The following MGAT5B variants were observed in gnomAD, a reference collection of about 807,000 sequenced individuals.
MGAT5B encodes alpha-1,6-mannosylglycoprotein 6-beta-N-acetylglucosaminyltransferase B.
Under a neutral mutation model 95.1 loss-of-function variants are expected in MGAT5B, and 54 were observed. The ratio of observed to expected loss-of-function variants is 0.57; its 90% CI spans 0.46 to 0.71. The LOEUF (loss-of-function observed/expected upper bound fraction) is 0.71, where lower values mean the gene tolerates loss of function less well. Among genes scored for constraint, MGAT5B ranks in the 30% least tolerant of loss-of-function variants. The pLI, the probability that MGAT5B is intolerant of heterozygous loss-of-function variation, is 0.00. For synonymous variants in MGAT5B, 464 were observed against 451.0 expected (o/e 1.03, Z -0.36); for missense variants, 935 against 1,088.6 (o/e 0.86, Z 1.99).
At chr17:76,878,967 C>T (rs1967302272) in intron 2 of MGAT5B, among the ~76,000 whole-genome samples, 1 of 151,364 alleles carries the variant, frequency 6.6e-6, no homozygotes. Context: ...GTCTGGTCCG[C>T]AGCAGAGCGG....
intron 10 of MGAT5B, 111 bp from the exon 11 acceptor site, chr17:76,932,534 C>G: frequency 2.0e-6 from 3 of 1,514,006 alleles, no homozygotes; most frequent in Non-Finnish European, 2.7e-6. Flanking sequence ...TGCCCCGCCC[C>G]CTTTCCCACC....
Position 76,948,789 on chromosome 17 carries a change from G to A in MGAT5B, c.2330G>A (p.Cys777Tyr). The A allele has an allele frequency of 1.2e-6, 2 of 1,609,286 alleles. No homozygotes were observed. The highest frequency in any genetic ancestry group is 1.7e-6 in the Non-Finnish European group (2 of 1,178,436). Residue 777 changes from cysteine (C) to tyrosine (Y), a missense_variant, in exon 18 of 18, where the codon TGC becomes TAC. This residue lies in a region of MGAT5B where 440 missense variants were observed against 523.6 expected (regional missense o/e 0.84). Transcript: ENST00000569840. ...ACCAAGTACCGCCGGCTCTGCCCCT[G>A]CCGCGACTTCCGCAAGGGCCAGGTG... ...SNTKYRRLCP[C>Y]RDFRKGQVAL...
intron 13 of MGAT5B, among the ~76,000 whole-genome samples, chr17:76,939,726 A>G (rs544248815): frequency 3.3e-5 from 5 of 152,248 alleles, no homozygotes; most frequent in Non-Finnish European, 5.9e-5. Flanking sequence ...CTTTATGCCC[A>G]TAAGTACCCA....
At chr17:76,933,479 C>T (rs1439694396) in intron 12 of MGAT5B, among the ~76,000 whole-genome samples, 182 bp downstream of exon 12, 1 of 152,206 alleles carries the variant, frequency 6.6e-6, no homozygotes, top group Non-Finnish European at 1.5e-5. Context: ...TAGGAGCCGT[C>T]TTTCCTGGTT....
At chr17:76,934,043 G>A (rs1349069171) in intron 12 of MGAT5B, among the ~76,000 whole-genome samples, 3 of 152,194 alleles carry the variant, frequency 2.0e-5, no homozygotes, top group Non-Finnish European at 4.4e-5. Context: ...GGGATGCTGG[G>A]TGGCATTATT....
intron 3 of MGAT5B, among the ~76,000 whole-genome samples, chr17:76,886,431 G>A (rs1312316580): frequency 6.6e-6 from 1 of 152,230 alleles, no homozygotes; most frequent in African/African-American, 2.4e-5. Flanking sequence ...TGTGCTTGGC[G>A]CTCAGAAGAA....
At chr17:76,932,824 C>G in intron 11 of MGAT5B, 49 bp downstream of exon 11, 3 of 1,600,948 alleles carry the variant, frequency 1.9e-6, no homozygotes, top group Non-Finnish European at 2.6e-6. Flanking sequence ...TCGGCACAGG[C>G]CCCCGCCTGG....
chr17:76,874,197 A>G (rs1967101837), intron 2 of MGAT5B, among the ~76,000 whole-genome samples: 1 of 152,112 alleles, frequency 6.6e-6, no homozygotes, highest in South Asian at 2.1e-4. Context: ...GGGGATGGTA[A>G]TACCCACTTC....
rs375943790 is a variant in MGAT5B at position 76,917,588 on chromosome 17, G to A, written c.1026-7378G>A. ...TCGGCATCTCTAGCGTGGAGCCAGCGGCCCTCAATATCCGAATCCAGGATG... is the reference window on the plus strand; with the variant it reads ...TCGGCATCTCTAGCGTGGAGCCAGCAGCCCTCAATATCCGAATCCAGGATG... On this transcript the variant is annotated intron_variant, in intron 8 of 17. Coordinates refer to ENST00000569840, the MANE Select transcript of MGAT5B (RefSeq NM_001199172.2). This position sits in a 1 kb window ranked among gnomAD's most constrained non-coding sequence, Gnocchi z 6.1. Among the ~76,000 whole-genome samples, 3 of 152,250 alleles carry A rather than the reference G, an allele frequency of 2.0e-5. No individual in the cohort carries two copies. Among genetic ancestry groups the A allele is most frequent in the Non-Finnish European group, 2.9e-5 (2 of 68,022 alleles).
intron 8 of MGAT5B, among the ~76,000 whole-genome samples, chr17:76,907,075 G>A (rs1968558749): frequency 6.7e-6 from 1 of 150,198 alleles, no homozygotes; most frequent in Admixed American, 6.6e-5. Context: ...TTTTTTAATG[G>A]AGTTTCTCTC....
In MGAT5B at chr17:76,916,190, C is replaced by A. The variant is rs1370185648; in HGVS notation, c.1026-8776C>A. On this transcript the variant is annotated intron_variant, in intron 8 of 17. Coordinates refer to ENST00000569840, the MANE Select transcript of MGAT5B (RefSeq NM_001199172.2). This position sits in a 1 kb window ranked among gnomAD's most constrained non-coding sequence, Gnocchi z 5.3. ...CTCCACATAGCTGCACTGCCCTGGC[C>A]CCTGCCCTTCATTCTTCCTCGGGAT... Among the ~76,000 whole-genome samples the A allele has an allele frequency of 6.6e-6, 1 of 150,850 alleles. No homozygotes were observed. The highest frequency in any genetic ancestry group is 1.9e-4 in the East Asian group (1 of 5,188).
intron 3 of MGAT5B, among the ~76,000 whole-genome samples, chr17:76,900,827 TG>T (rs1968276999): frequency 1.3e-5 from 2 of 152,234 alleles, no homozygotes; most frequent in Admixed American, 1.3e-4. Context: ...AAGTTTGCCT[TG>T]GGCACTGAAC....
At chr17:76,891,659 C>T (rs561578651) in intron 3 of MGAT5B, among the ~76,000 whole-genome samples, 1 of 152,214 alleles carries the variant, frequency 6.6e-6, no homozygotes, top group Non-Finnish European at 1.5e-5. Context: ...GGATTACAGG[C>T]GTGAGCCACT....
chr17:76,901,201 G>A (rs1968303175), intron 3 of MGAT5B, among the ~76,000 whole-genome samples: 1 of 152,120 alleles, frequency 6.6e-6, no homozygotes, highest in South Asian at 2.1e-4. Flanking sequence ...CTTCTCTAGT[G>A]GACAGCTCAC....
intron 3 of MGAT5B, among the ~76,000 whole-genome samples, chr17:76,901,724 C>G (rs149599583): frequency 2.8e-4 from 42 of 152,302 alleles, no homozygotes; most frequent in African/African-American, 9.1e-4. Context: ...CTGGCAAGTT[C>G]CCAGGCTTCT....
chr17:76,912,804 C>T lies in MGAT5B; in HGVS notation c.1025+6617C>T, dbSNP rs1006835716. On this transcript the variant is annotated intron_variant, in intron 8 of 17. Transcript: ENST00000569840. This position sits in a 1 kb window ranked among gnomAD's most constrained non-coding sequence, Gnocchi z 5.0. ...TGTCAGCCAGTCCCCGCCCGCGCCCCGCCGTGTGCGGAGGGAAGAAGCCAA... is the reference window on the plus strand; with the variant it reads ...TGTCAGCCAGTCCCCGCCCGCGCCCTGCCGTGTGCGGAGGGAAGAAGCCAA... Among the ~76,000 whole-genome samples the T allele has an allele frequency of 2.6e-5, 4 of 152,156 alleles. No individual in the cohort carries two copies. Among genetic ancestry groups the T allele is most frequent in the East Asian group, 1.9e-4 (1 of 5,172 alleles).
intron 15 of MGAT5B, among the ~76,000 whole-genome samples, chr17:76,946,005 AG>A (rs1221943683): frequency 2.1e-5 from 3 of 145,294 alleles, no homozygotes; most frequent in African/African-American, 7.6e-5. Flanking sequence ...GCTCAGGGAA[AG>A]CTCCCTGGAG....
intron 13 of MGAT5B, among the ~76,000 whole-genome samples, chr17:76,939,476 C>T (rs550141279): frequency 2.0e-4 from 31 of 151,422 alleles, no homozygotes; most frequent in Non-Finnish European, 2.8e-4. Flanking sequence ...ATGGTGCCAC[C>T]GCACTCCAGC....
intron 2 of MGAT5B, among the ~76,000 whole-genome samples, chr17:76,876,560 C>T (rs1166527317): frequency 6.6e-6 from 1 of 152,038 alleles, no homozygotes; most frequent in East Asian, 1.9e-4. Flanking sequence ...AAGTGGGGTC[C>T]CACATGGACT....
Sources: allele counts gnomAD v4.1 joint callset (sites outside exome capture counted in the v4.1 genomes callset), GRCh38; gene constraint gnomAD v4.1.1; regional missense constraint gnomAD v4.1.1; non-coding constraint Gnocchi (gnomAD v3.1); transcripts MANE v1.5; gene names NCBI Gene and HGNC (gene_info 2026-07-23, HGNC 2026-07-21).